Variants in ZNF292 observed in about 807,000 individuals in gnomAD.
The protein encoded by ZNF292 is zinc finger protein 292, also known as 16 zinc-finger domain protein.
ZNF292 carries 26 observed loss-of-function variants against 217.9 expected under a neutral mutation model. The observed-to-expected ratio is 0.12, with a 90% CI of 0.09 to 0.17. ZNF292 has a LOEUF of 0.17. ZNF292 is among the 10% of genes least tolerant of loss of function. The pLI, the probability that ZNF292 is intolerant of heterozygous loss-of-function variation, is 1.00. For synonymous variants in ZNF292, 1,257 were observed against 1,124.1 expected (o/e 1.12, Z -2.37); for missense variants, 2,904 against 3,175.2 (o/e 0.91, Z 2.05).
At position 87,240,265 on chromosome 6, in the gene ZNF292, T is replaced by G. The variant is rs184937877; in HGVS notation, c.742-3210T>G. Among the ~76,000 whole-genome samples the G allele has an allele frequency of 3.4e-3, 512 of 151,340 alleles. 1 individual carries two copies. The highest frequency in any genetic ancestry group is 0.012 in the African/African-American group (490 of 41,178). On this transcript the variant is annotated intron_variant, in intron 5 of 7. Transcript: ENST00000369577. ...CACTCAGCAGGCTGAGGCAGGAGAA[T>G]CAGGCAGGGAGGTTGCAGTGAGCAG...
chr6:87,241,589 T>C (rs1774289738), intron 5 of ZNF292, among the ~76,000 whole-genome samples: 1 of 152,168 alleles, frequency 6.6e-6, no homozygotes. Context: ...CAGCTAGTTT[T>C]TGTATGTTTT....
chr6:87,241,192 G>A (rs1282401891), intron 5 of ZNF292, among the ~76,000 whole-genome samples: 2 of 152,180 alleles, frequency 1.3e-5, no homozygotes, highest in African/African-American at 2.4e-5. Flanking sequence ...GCTAAGGCAG[G>A]AGAGTCGCTT....
intron 5 of ZNF292, among the ~76,000 whole-genome samples, chr6:87,238,380 G>A (rs1294503876): frequency 6.6e-6 from 1 of 151,908 alleles, no homozygotes; most frequent in Non-Finnish European, 1.5e-5. Flanking sequence ...CAGCTACTCA[G>A]GAGGCTGAGG....
intron 1 of ZNF292, chr6:87,173,662 T>G (rs2127774376): frequency 6.6e-6 from 1 of 152,440 alleles, no homozygotes; most frequent in Admixed American, 6.5e-5. Flanking sequence ...GTCTTTCTGG[T>G]TTCTCTTTTT....
At chr6:87,254,533 C>T (rs1039012949) in intron 7 of ZNF292, 117 bp from the exon 8 acceptor site, 1 of 968,744 alleles carries the variant, frequency 1.0e-6, no homozygotes, top group Admixed American at 2.4e-5. Flanking sequence ...GGAATCCTTT[C>T]ATAAGTTGCT....
chr6:87,241,616 C>T (rs1029612469), intron 5 of ZNF292, among the ~76,000 whole-genome samples: 5 of 152,102 alleles, frequency 3.3e-5, no homozygotes, highest in Admixed American at 1.3e-4. Flanking sequence ...GATGGGATTT[C>T]ACCATGTTGG....
At chr6:87,163,128 G>A (rs1003194880) in intron 1 of ZNF292, among the ~76,000 whole-genome samples, 4 of 152,086 alleles carry the variant, frequency 2.6e-5, no homozygotes, top group African/African-American at 9.7e-5. Context: ...AAGTATATAT[G>A]TTCAGCTAAG....
chr6:87,198,996 A>G (rs913993533), intron 1 of ZNF292, among the ~76,000 whole-genome samples: 1 of 152,234 alleles, frequency 6.6e-6, no homozygotes, highest in East Asian at 1.9e-4. Context: ...TCTTTTGGCC[A>G]ACAAGCTTAT....
intron 1 of ZNF292, among the ~76,000 whole-genome samples, chr6:87,198,154 A>G (rs1405867042): frequency 6.6e-6 from 1 of 151,920 alleles, no homozygotes; most frequent in Non-Finnish European, 1.5e-5. Context: ...AAATCCTGAC[A>G]TAACCAAGTC....
rs199609664 is a variant in ZNF292, at chr6:87,260,988, G to T, written c.7359G>T (p.Thr2453=). 6.2e-7 allele frequency: 1 copy of T among 1,607,020 alleles called. No individual in the cohort carries two copies. The highest frequency in any genetic ancestry group is 8.5e-7 in the Non-Finnish European group (1 of 1,176,242). The part of the protein sequence containing the change: ...GAKNDVKDSD[T]CVSESNDNSR... ...AGAATGATGTGAAAGATTCTGACAC[G>T]TGTGTATCAGAGAGCAATGATAATT... Residue 2453 remains threonine (T), a synonymous_variant, in exon 8 of 8, where the codon ACG becomes ACT. Coordinates refer to ENST00000369577, the MANE Select transcript of ZNF292 (RefSeq NM_015021.3).
chr6:87,183,696 G>A (rs1771542024), intron 1 of ZNF292, among the ~76,000 whole-genome samples: 2 of 152,276 alleles, frequency 1.3e-5, no homozygotes, highest in South Asian at 4.1e-4. Flanking sequence ...ACATATTTTT[G>A]CAAGCATAAA....
At chr6:87,229,520 G>T (rs150677858) in intron 4 of ZNF292, among the ~76,000 whole-genome samples, 1 of 152,170 alleles carries the variant, frequency 6.6e-6, no homozygotes, top group East Asian at 1.9e-4. Context: ...TCCGCCTCCC[G>T]GGTTCAAGCA....
At chr6:87,189,667 A>C (rs1462471793) in intron 1 of ZNF292, among the ~76,000 whole-genome samples, 1 of 152,060 alleles carries the variant, frequency 6.6e-6, no homozygotes, top group East Asian at 1.9e-4. Flanking sequence ...AGAAGACCAC[A>C]GAGATAAAGT....
intron 1 of ZNF292, among the ~76,000 whole-genome samples, chr6:87,175,305 A>C (rs1302174110): frequency 6.6e-6 from 1 of 151,798 alleles, no homozygotes; most frequent in Non-Finnish European, 1.5e-5. Flanking sequence ...TTACTTTTTC[A>C]TTGCAGTTTG....
At chr6:87,167,420 C>T (rs552932268) in intron 1 of ZNF292, among the ~76,000 whole-genome samples, 9 of 152,196 alleles carry the variant, frequency 5.9e-5, no homozygotes, top group Non-Finnish European at 1.2e-4. Flanking sequence ...ATAGGTGCAT[C>T]ACCTGAGGTC....
intron 7 of ZNF292, among the ~76,000 whole-genome samples, chr6:87,251,589 A>G (rs528248341): frequency 3.0e-4 from 45 of 152,318 alleles, no homozygotes; most frequent in African/African-American, 1.1e-3. Context: ...AGCTTGTGCT[A>G]TTAGTATTTG....
chr6:87,195,259 A>G (rs1333077732), intron 1 of ZNF292, among the ~76,000 whole-genome samples: 1 of 152,234 alleles, frequency 6.6e-6, no homozygotes, highest in African/African-American at 2.4e-5. Context: ...ATTTTAGATT[A>G]TAGCAATATG....
rs1168718436 is a variant in ZNF292 at position 87,258,286 on chromosome 6, A to G, written c.4657A>G (p.Thr1553Ala). The G allele has an allele frequency of 6.2e-7, 1 of 1,613,326 alleles. No homozygotes were observed. The highest frequency in any genetic ancestry group is 1.1e-5 in the South Asian group (1 of 91,000). The change falls in exon 8 of 8, where the codon ACG (threonine) becomes GCG (alanine). Residue 1553 changes from threonine (T) to alanine (A), a missense_variant. Thr to Ala is a moderately conservative substitution (Grantham distance 58). Transcript: ENST00000369577. ...PNTLLTNQNR[T>A]SNSKTSSIEE... ...CACCTTGCTGACCAACCAGAATAGG[A>G]CGTCAAACTCCAAAACTTCCTCCAT...
At chr6:87,215,303 A>C (rs1224077043) in intron 1 of ZNF292, among the ~76,000 whole-genome samples, 4 of 151,144 alleles carry the variant, frequency 2.6e-5, no homozygotes, top group African/African-American at 7.3e-5. Flanking sequence ...TTAAAAAAAC[A>C]CTATTACAAA....
Sources: gnomAD v4.1 joint callset for allele counts (sites outside exome capture counted in the v4.1 genomes callset) on GRCh38, gnomAD v4.1.1 for gene constraint, MANE v1.5 for transcripts, NCBI Gene and HGNC (gene_info 2026-07-23, HGNC 2026-07-21) for gene names.